Variants in CAMKMT observed in about 807,000 individuals in gnomAD.
CAMKMT encodes the protein CaM KMT.
Under a neutral mutation model 48.0 loss-of-function variants are expected in CAMKMT, and 53 were observed. That is an observed-to-expected ratio of 1.10 (90% CI 0.89 to 1.39). The LOEUF (loss-of-function observed/expected upper bound fraction) is 1.39. CAMKMT is among the 40% of genes most tolerant of loss of function. The pLI, the probability that CAMKMT is intolerant of heterozygous loss-of-function variation, is 0.00. For missense variants in CAMKMT, 428 were observed against 402.7 expected, an observed-to-expected ratio of 1.06 and a Z score of -0.54; for synonymous variants, 165 against 152.3, an observed-to-expected ratio of 1.08 and a Z score of -0.61.
intron 3 of CAMKMT, chr2:44,392,019 T>G (rs1323086383): frequency 2.0e-5 from 3 of 152,558 alleles, no homozygotes; most frequent in African/African-American, 7.2e-5. Context: ...ATAAAGAAAG[T>G]ACGTACATAC....
intron 3 of CAMKMT, among the ~76,000 whole-genome samples, chr2:44,595,982 G>T (rs1670630657): frequency 6.6e-6 from 1 of 150,768 alleles, no homozygotes; most frequent in Non-Finnish European, 1.5e-5. Flanking sequence ...ACTGGGGCCT[G>T]ATGGGAGGTG....
intron 3 of CAMKMT, among the ~76,000 whole-genome samples, chr2:44,444,718 A>G (rs1666876183): frequency 6.6e-6 from 1 of 152,202 alleles, no homozygotes; most frequent in Non-Finnish European, 1.5e-5. Context: ...AGGTGATGGG[A>G]ATAAATAGGG....
At chr2:44,459,686 G>A (rs978872106) in intron 3 of CAMKMT, among the ~76,000 whole-genome samples, 1 of 152,086 alleles carries the variant, frequency 6.6e-6, no homozygotes, top group African/African-American at 2.4e-5. Context: ...GGCTATTCTC[G>A]ATATGCTCAC....
chr2:44,571,217 GTATAGTGA>G (rs1194986002), intron 3 of CAMKMT, among the ~76,000 whole-genome samples: 19 of 151,988 alleles, frequency 1.3e-4, no homozygotes, highest in Middle Eastern at 6.8e-3. Context: ...GGTAAGATTT[GTATAGTGA>G]TTACAAAGAT....
At chr2:44,646,328 T>C (rs1267416778) in intron 3 of CAMKMT, among the ~76,000 whole-genome samples, 1 of 152,094 alleles carries the variant, frequency 6.6e-6, no homozygotes, top group Non-Finnish European at 1.5e-5. Flanking sequence ...TTTTGTTTTT[T>C]TTTTCAAAAA....
chr2:44,512,147 C>A, intron 3 of CAMKMT, among the ~76,000 whole-genome samples: 1 of 152,166 alleles, frequency 6.6e-6, no homozygotes, highest in Non-Finnish European at 1.5e-5. Flanking sequence ...TCCAGGCTGC[C>A]ACTACCTTGC....
intron 3 of CAMKMT, among the ~76,000 whole-genome samples, chr2:44,590,152 C>T (rs1178413815): frequency 6.6e-6 from 1 of 151,778 alleles, no homozygotes; most frequent in African/African-American, 2.4e-5. Flanking sequence ...TTGGCTAGAA[C>T]CTCTAGTATA....
intron 3 of CAMKMT, among the ~76,000 whole-genome samples, chr2:44,528,107 G>A (rs2104819134): frequency 6.6e-6 from 1 of 152,248 alleles, no homozygotes; most frequent in South Asian, 2.1e-4. Flanking sequence ...TGGGAAGGAT[G>A]TAGTCAAAAT....
At chr2:44,452,891 T>C (rs1204850308) in intron 3 of CAMKMT, among the ~76,000 whole-genome samples, 1 of 152,026 alleles carries the variant, frequency 6.6e-6, no homozygotes, top group African/African-American at 2.4e-5. Flanking sequence ...GGTTGTGATA[T>C]CATGCTGGGG....
chr2:44,444,287 A>C (rs1240463031), intron 3 of CAMKMT, among the ~76,000 whole-genome samples: 3 of 152,318 alleles, frequency 2.0e-5, no homozygotes, highest in East Asian at 3.9e-4. Flanking sequence ...AAATCCATGA[A>C]ATAATTTCTT....
At chr2:44,515,194 T>G (rs551401449) in intron 3 of CAMKMT, among the ~76,000 whole-genome samples, 4 of 152,296 alleles carry the variant, frequency 2.6e-5, no homozygotes, top group African/African-American at 7.2e-5. Flanking sequence ...TCATTTGTGT[T>G]TTGAATTTCC....
At chr2:44,664,720 C>A (rs978299779) in intron 3 of CAMKMT, among the ~76,000 whole-genome samples, 3 of 152,122 alleles carry the variant, frequency 2.0e-5, no homozygotes, top group African/African-American at 7.2e-5. Flanking sequence ...TTGGTATTCA[C>A]ATGAGATTGC....
chr2:44,405,207 C>T (rs1246314478), intron 3 of CAMKMT, among the ~76,000 whole-genome samples: 2 of 151,990 alleles, frequency 1.3e-5, no homozygotes. Flanking sequence ...GGGTGTCAGT[C>T]CTCTAGCTCA....
chr2:44,646,339 C>G (rs1227333582), intron 3 of CAMKMT, among the ~76,000 whole-genome samples: 1 of 150,590 alleles, frequency 6.6e-6, no homozygotes, highest in South Asian at 2.1e-4. Flanking sequence ...TTTTCAAAAA[C>G]AATATTGAAT....
intron 3 of CAMKMT, among the ~76,000 whole-genome samples, chr2:44,527,281 TTA>T (rs900576028): frequency 7.0e-6 from 1 of 143,640 alleles, no homozygotes; most frequent in Non-Finnish European, 1.5e-5. Context: ...GTTATATATA[TTA>T]TATATATATA....
intron 3 of CAMKMT, among the ~76,000 whole-genome samples, chr2:44,535,533 A>G (rs1666729029): frequency 6.6e-6 from 1 of 152,248 alleles, no homozygotes; most frequent in African/African-American, 2.4e-5. Context: ...CAAAATGATA[A>G]TACACCATGA....
rs1460024202 is a variant in CAMKMT, at chr2:44,383,151, ATTTAT to A, written c.312-7075_312-7071del. ...CTCCTCTTTTTTTTTTCAGTTGATA[ATTTAT>A]TTTATTTTATTTTAGTTTTATTTTT... On this transcript the variant is annotated intron_variant, in intron 2 of 10. Transcript: ENST00000378494. Among the ~76,000 whole-genome samples, 9 of 150,580 alleles carry A rather than the reference ATTTAT, an allele frequency of 6.0e-5. No homozygotes were observed. In the East Asian group the frequency reaches 1.6e-3, roughly 26 times the overall value.
intron 7 of CAMKMT, among the ~76,000 whole-genome samples, chr2:44,715,597 T>TG (rs1399700891): frequency 6.6e-6 from 1 of 152,146 alleles, no homozygotes; most frequent in East Asian, 1.9e-4. Flanking sequence ...AACACTGGGT[T>TG]GGGGATGATT....
intron 3 of CAMKMT, among the ~76,000 whole-genome samples, chr2:44,577,285 G>T (rs1288326177): frequency 6.6e-6 from 1 of 152,192 alleles, no homozygotes; most frequent in Non-Finnish European, 1.5e-5. Flanking sequence ...GAAAACATTG[G>T]AGAAATTGTA....
Sources: gnomAD v4.1 joint callset for allele counts (sites outside exome capture counted in the v4.1 genomes callset) on GRCh38, gnomAD v4.1.1 for gene constraint, MANE v1.5 for transcripts, NCBI Gene and HGNC (gene_info 2026-07-23, HGNC 2026-07-21) for gene names.